Variants in MFHAS1 observed in about 807,000 individuals in gnomAD.
MFHAS1 encodes multifunctional ROCO family signaling regulator 1.
In MFHAS1, 50 loss-of-function variants were observed where a neutral mutation model predicts 70.4. The ratio of observed to expected loss-of-function variants is 0.71; its 90% CI spans 0.57 to 0.90. The LOEUF is 0.90. Among genes scored for constraint, MFHAS1 ranks in the 40% least tolerant of loss-of-function variants. MFHAS1 has a pLI of 0.00. For missense variants in MFHAS1, 1,795 were observed against 1,347.6 expected, an observed-to-expected ratio of 1.33 and a Z score of -5.20; for synonymous variants, 952 against 620.0, an observed-to-expected ratio of 1.54 and a Z score of -7.96.
chr8:8,834,427 T>G (rs1417858614), intron 1 of MFHAS1, among the ~76,000 whole-genome samples: 20 of 152,204 alleles, frequency 1.3e-4, no homozygotes, highest in Admixed American at 1.2e-3. Flanking sequence ...GTACGCAGGC[T>G]CCATTCACGA....
chr8:8,848,995 T>TTCC (rs1808138109), intron 1 of MFHAS1, among the ~76,000 whole-genome samples: 1 of 151,424 alleles, frequency 6.6e-6, no homozygotes, highest in East Asian at 1.9e-4. Flanking sequence ...AATTGACCAC[T>TTCC]TCCTCCCACT....
At chr8:8,842,976 G>A (rs935422201) in intron 1 of MFHAS1, among the ~76,000 whole-genome samples, 1 of 152,192 alleles carries the variant, frequency 6.6e-6, no homozygotes, top group African/African-American at 2.4e-5. Flanking sequence ...ATCTAAGAAA[G>A]CGAAAGAGGC....
intron 1 of MFHAS1, among the ~76,000 whole-genome samples, chr8:8,866,679 C>G (rs1013432096): frequency 1.3e-5 from 2 of 152,160 alleles, no homozygotes; most frequent in Non-Finnish European, 2.9e-5. Flanking sequence ...CACTGAGTCC[C>G]TTCTCTCTCC....
At chr8:8,797,688 C>T (rs566382396) in intron 1 of MFHAS1, among the ~76,000 whole-genome samples, 197 bp from the exon 2 acceptor site, 6 of 152,282 alleles carry the variant, frequency 3.9e-5, no homozygotes, top group South Asian at 2.1e-4. Flanking sequence ...TCCTCCTCTG[C>T]GTCACCGTGG....
intron 1 of MFHAS1, among the ~76,000 whole-genome samples, chr8:8,848,772 G>C (rs1808127274): frequency 6.6e-6 from 1 of 152,182 alleles, no homozygotes; most frequent in Non-Finnish European, 1.5e-5. Context: ...ATGGCAAGCA[G>C]TCGGCCCACA....
At chr8:8,799,614 G>A (rs1287535347) in intron 1 of MFHAS1, among the ~76,000 whole-genome samples, 3 of 152,132 alleles carry the variant, frequency 2.0e-5, no homozygotes, top group Admixed American at 6.5e-5. Flanking sequence ...AAATCAGCCA[G>A]GCATGTTGGC....
rs758918229 is a variant in MFHAS1 at position 8,797,493 on chromosome 8, T to C, written c.2999-2A>G. On this transcript the variant is annotated splice_acceptor_variant, in intron 1 of 2. Coordinates refer to ENST00000276282, the MANE Select transcript of MFHAS1 (RefSeq NM_004225.3). LOFTEE classifies it high-confidence loss of function. Reference sequence around the variant, plus strand: ...GTCTGGGCTGACTCAGCAACTCCCCTGTAGGAGGAGAGAGAAAAACGTGTT... The same window carrying C: ...GTCTGGGCTGACTCAGCAACTCCCCCGTAGGAGGAGAGAGAAAAACGTGTT... 6.2e-7 allele frequency: 1 copy of C among 1,613,066 alleles called. No individual in the cohort carries two copies. The highest frequency in any genetic ancestry group is 8.5e-7 in the Non-Finnish European group (1 of 1,179,284).
intron 1 of MFHAS1, among the ~76,000 whole-genome samples, chr8:8,818,182 C>T (rs987742407): frequency 7.0e-6 from 1 of 141,956 alleles, no homozygotes; most frequent in Non-Finnish European, 1.6e-5. Flanking sequence ...TGGCTCTTCT[C>T]CTTTAAAGTC....
chr8:8,813,903 G>A (rs1241989859), intron 1 of MFHAS1, among the ~76,000 whole-genome samples: 3 of 150,712 alleles, frequency 2.0e-5, no homozygotes, highest in Non-Finnish European at 4.4e-5. Flanking sequence ...TCCATTTATA[G>A]TAAGTGCCCT....
intron 1 of MFHAS1, among the ~76,000 whole-genome samples, chr8:8,822,958 G>A (rs568945859): frequency 2.6e-5 from 4 of 152,260 alleles, no homozygotes; most frequent in South Asian, 2.1e-4. Context: ...GGCTGGTGGC[G>A]GGAAGGGAGG....
Position 8,814,906 on chromosome 8 carries a change from G to C in MFHAS1, c.2999-17415C>G, listed in dbSNP as rs538981997. On this transcript the variant is annotated intron_variant, in intron 1 of 2. Transcript: ENST00000276282. ...CTGGGGTACATGTACAGGATGTGCA[G>C]GTTTGTTACATGGGTAAACGTGTGC... Among the ~76,000 whole-genome samples, 8 of 148,484 alleles carry C rather than the reference G, an allele frequency of 5.4e-5. No individual in the cohort carries two copies. The South Asian group carries it at 1.7e-3, about 32-fold the overall frequency.
At chr8:8,860,102 C>G (rs962366321) in intron 1 of MFHAS1, 1 of 152,198 alleles carries the variant, frequency 6.6e-6, no homozygotes, top group Non-Finnish European at 1.5e-5. Context: ...TTTGGGTCTG[C>G]CTGCTCCCTC....
intron 1 of MFHAS1, among the ~76,000 whole-genome samples, chr8:8,847,292 C>T (rs1338743795): frequency 1.3e-5 from 2 of 152,168 alleles, no homozygotes; most frequent in Non-Finnish European, 2.9e-5. Context: ...AGTGATTCTC[C>T]TGCCTCAGTC....
chr8:8,787,344 T>C (rs1031455327), intron 2 of MFHAS1, among the ~76,000 whole-genome samples: 3 of 152,146 alleles, frequency 2.0e-5, no homozygotes, highest in Admixed American at 6.5e-5. Context: ...CCTCCCAAAG[T>C]ACTGGGATTA....
intron 1 of MFHAS1, among the ~76,000 whole-genome samples, chr8:8,867,619 G>A (rs1469810556): frequency 6.6e-6 from 1 of 150,782 alleles, no homozygotes. Context: ...GTGCAGTGGC[G>A]CAATCTCGGC....
chr8:8,836,490 C>A (rs1404614577), intron 1 of MFHAS1, among the ~76,000 whole-genome samples: 2 of 152,106 alleles, frequency 1.3e-5, no homozygotes, highest in African/African-American at 4.8e-5. Flanking sequence ...GTGAACCTCC[C>A]ACCTCAGCCT....
intron 1 of MFHAS1, among the ~76,000 whole-genome samples, chr8:8,854,647 T>G (rs999881800): frequency 1.3e-5 from 2 of 149,914 alleles, no homozygotes; most frequent in Non-Finnish European, 3.0e-5. Flanking sequence ...ATTGCACCAC[T>G]GCACTCCAGC....
chr8:8,814,849 C>CTTTTTTTTTTT (rs34438669), intron 1 of MFHAS1, among the ~76,000 whole-genome samples: 1 of 130,428 alleles, frequency 7.7e-6, no homozygotes. Context: ...GCTAGAATTT[C>CTTTTTTTTTTT]TTTTTTTTTT....
chr8:8,868,893 GAC>G (rs1432854758), intron 1 of MFHAS1, among the ~76,000 whole-genome samples: 1 of 152,158 alleles, frequency 6.6e-6, no homozygotes, highest in Middle Eastern at 3.2e-3. Context: ...GGAAAAAAAA[GAC>G]ATTCTCTGCT....
Sources: gnomAD v4.1 joint callset for allele counts (sites outside exome capture counted in the v4.1 genomes callset) on GRCh38, gnomAD v4.1.1 for gene constraint, MANE v1.5 for transcripts, NCBI Gene and HGNC (gene_info 2026-07-23, HGNC 2026-07-21) for gene names.